CWF19L2: variants seen among roughly 807,000 people sequenced by gnomAD.
The protein encoded by CWF19L2 is CWF19-like protein 2.
A neutral mutation model predicts 111.7 loss-of-function variants in CWF19L2; 98 were observed. The observed-to-expected ratio is 0.88, with a 90% CI of 0.75 to 1.04. The LOEUF (loss-of-function observed/expected upper bound fraction) is 1.04. Ranked by LOEUF, CWF19L2 falls within the 50% of genes least tolerant of loss-of-function variation. CWF19L2 has a pLI of 0.00. For missense variants in CWF19L2, 1,101 were observed against 1,051.4 expected, an observed-to-expected ratio of 1.05 and a Z score of -0.65; for synonymous variants, 351 against 342.9, an observed-to-expected ratio of 1.02 and a Z score of -0.26.
At chr11:107,448,665 T>C (rs552398240) in intron 3 of CWF19L2, among the ~76,000 whole-genome samples, 1 of 152,218 alleles carries the variant, frequency 6.6e-6, no homozygotes, top group South Asian at 2.1e-4. Context: ...AGATCCTGAC[T>C]CCCAAGACAA....
chr11:107,350,290 A>G (rs1052090883), intron 13 of CWF19L2, among the ~76,000 whole-genome samples: 1 of 152,146 alleles, frequency 6.6e-6, no homozygotes, highest in African/African-American at 2.4e-5. Context: ...ATCCCTACCC[A>G]TAAGGAGCTT....
intron 12 of CWF19L2, among the ~76,000 whole-genome samples, chr11:107,386,622 C>T (rs1860770150): frequency 6.6e-6 from 1 of 152,122 alleles, no homozygotes; most frequent in South Asian, 2.1e-4. Flanking sequence ...CCTGAAACAC[C>T]ACACCCTTGG....
intron 4 of CWF19L2, 38 bp downstream of exon 4, chr11:107,442,901 G>GAAGGAAGA (rs1565287569): frequency 3.9e-6 from 5 of 1,289,814 alleles, no homozygotes; most frequent in South Asian, 2.5e-5. Context: ...AGGAAGGAAG[G>GAAGGAAGA]AAGAAAGCAA....
In CWF19L2 at chr11:107,392,906, A is replaced by G; in HGVS notation, c.1618-11T>C. 1 of 1,437,094 alleles carries G rather than the reference A, an allele frequency of 7.0e-7. No homozygotes were observed. Among genetic ancestry groups the G allele is most frequent in the Non-Finnish European group, 9.5e-7 (1 of 1,048,966 alleles). The allele number at this position is 1,437,094 out of a possible 1,614,324, so 89.0% of individuals were successfully genotyped here. On this transcript the variant is annotated splice_polypyrimidine_tract_variant and intron_variant, in intron 10 of 17. Transcript: ENST00000282251. ...TTGCTGGTCTTCATTCTATAAAAAGATTTAGAGATAACTATTGAAATTATT... is the reference window on the plus strand; with the variant it reads ...TTGCTGGTCTTCATTCTATAAAAAGGTTTAGAGATAACTATTGAAATTATT...
chr11:107,422,827 A>C (rs1459855781), intron 8 of CWF19L2, among the ~76,000 whole-genome samples: 1 of 151,946 alleles, frequency 6.6e-6, no homozygotes, highest in African/African-American at 2.4e-5. Context: ...TGGGAGGGGA[A>C]TCTTTTAACA....
At chr11:107,434,542 T>C (rs1293153143) in intron 6 of CWF19L2, among the ~76,000 whole-genome samples, 1 of 151,570 alleles carries the variant, frequency 6.6e-6, no homozygotes, top group Non-Finnish European at 1.5e-5. Context: ...CCAAGACATA[T>C]ACAAGAATAT....
chr11:107,441,525 T>A lies in CWF19L2; in HGVS notation c.548A>T (p.Glu183Val). 1 of 1,544,178 alleles carries A rather than the reference T, an allele frequency of 6.5e-7. No homozygotes were observed. The highest frequency in any genetic ancestry group is 8.7e-7 in the Non-Finnish European group (1 of 1,144,664). The part of the protein sequence containing the change: ...EKETMRKIEQ[E>V]KNQALEQSKL... The stretch of plus-strand genomic sequence containing the variant: ...TACCTGTTCAAGCGCTTGGTTTTTC[T>A]CTTGCTCTATTTTCCTCATAGTTTC... The change falls in exon 5 of 18, where the codon GAG (glutamate) becomes GTG (valine). Residue 183 changes from glutamate to valine, a missense_variant. By Grantham distance (121) the Glu-to-Val change is moderately radical. Coordinates refer to ENST00000282251, the MANE Select transcript of CWF19L2 (RefSeq NM_152434.3).
Position 107,404,114 on chromosome 11 carries a change from G to A in CWF19L2, c.1618-11219C>T, listed in dbSNP as rs1591185753. On this transcript the variant is annotated intron_variant, in intron 10 of 17. Transcript: ENST00000282251. ...GGTTCTCCTTTCTCCATGTGAGACTGTCTCTGTCGACTTTCTTCCTCTAAA... is the reference window on the plus strand; with the variant it reads ...GGTTCTCCTTTCTCCATGTGAGACTATCTCTGTCGACTTTCTTCCTCTAAA... 4.8e-5 allele frequency: 37 copies of A among 774,700 alleles called. 2 individuals are homozygous for A. In the East Asian group the frequency reaches 8.8e-4, roughly 18 times the overall value. The allele number at this position is 774,700 out of a possible 1,614,324, so 48.0% of individuals were successfully genotyped here. A position where few individuals can be genotyped will look rare whatever the true frequency, so the allele number is the denominator to read the frequency against.
In CWF19L2 at chr11:107,369,195, CTCTATAAAG is replaced by C. The variant is rs1450825022; in HGVS notation, c.1873-15468_1873-15460del. 3.6e-5 allele frequency among the ~76,000 whole-genome samples: 5 copies of C among 137,646 alleles called. 1 individual carries two copies. Among genetic ancestry groups the C allele is most frequent in the African/African-American group, 1.5e-4 (5 of 34,452 alleles). 90.3% of individuals were successfully genotyped at this position (137,646 alleles called of 152,430 possible). A position where few individuals can be genotyped will look rare whatever the true frequency, so the allele number is the denominator to read the frequency against. On this transcript the variant is annotated intron_variant, in intron 12 of 17. Coordinates refer to ENST00000282251, the MANE Select transcript of CWF19L2 (RefSeq NM_152434.3). ...CATTTTTTTCTTCATTATTTGTGCT[CTCTATAAAG>C]TCTGTTGTCAGTTCTTACTGCCATA...
chr11:107,375,695 C>T (rs1182524672), intron 12 of CWF19L2, among the ~76,000 whole-genome samples: 2 of 125,934 alleles, frequency 1.6e-5, no homozygotes, highest in African/African-American at 6.5e-5. Context: ...GACACCCTAA[C>T]ATCACAATTA....
At chr11:107,350,495 G>A (rs571270626) in intron 13 of CWF19L2, among the ~76,000 whole-genome samples, 43 of 151,994 alleles carry the variant, frequency 2.8e-4, no homozygotes, top group Non-Finnish European at 5.1e-4. Context: ...ACCATGTAAC[G>A]ACACACCAAT....
chr11:107,423,782 T>A (rs763738455), intron 8 of CWF19L2, among the ~76,000 whole-genome samples: 3 of 151,856 alleles, frequency 2.0e-5, no homozygotes, highest in Non-Finnish European at 4.4e-5. Context: ...CAAGCAACCT[T>A]AAGTCTGACA....
At chr11:107,346,682 T>C (rs1370171034) in intron 14 of CWF19L2, among the ~76,000 whole-genome samples, 1 of 152,114 alleles carries the variant, frequency 6.6e-6, no homozygotes, top group African/African-American at 2.4e-5. Flanking sequence ...GATTCTCCTC[T>C]GGAAAAGGTA....
chr11:107,347,822 G>A (rs78817688), intron 14 of CWF19L2, among the ~76,000 whole-genome samples: 6,085 of 152,130 alleles, frequency 0.04, 300 homozygotes, highest in East Asian at 0.21. Context: ...ATTTCTTATA[G>A]AAATATAAAA....
At chr11:107,349,893 G>A (rs1860133767) in intron 13 of CWF19L2, among the ~76,000 whole-genome samples, 1 of 152,076 alleles carries the variant, frequency 6.6e-6, no homozygotes, top group African/African-American at 2.4e-5. Flanking sequence ...TCATGGGTAT[G>A]TCTATAGACA....
chr11:107,349,883 T>A (rs900458809), intron 13 of CWF19L2, among the ~76,000 whole-genome samples: 6 of 152,032 alleles, frequency 3.9e-5, no homozygotes, highest in African/African-American at 1.4e-4. Context: ...AGATTAAGGG[T>A]CATGGGTATG....
At chr11:107,343,575 T>C (rs958818905) in intron 14 of CWF19L2, among the ~76,000 whole-genome samples, 2 of 152,074 alleles carry the variant, frequency 1.3e-5, no homozygotes, top group Non-Finnish European at 2.9e-5. Context: ...ATACTGTTTA[T>C]TGATATAGTA....
intron 12 of CWF19L2, among the ~76,000 whole-genome samples, chr11:107,358,202 A>C (rs1860267340): frequency 6.6e-6 from 1 of 152,202 alleles, no homozygotes; most frequent in Non-Finnish European, 1.5e-5. Flanking sequence ...CAAACATTTC[A>C]ATATAGATTA....
In CWF19L2 at chr11:107,426,376, C is replaced by A. The variant is rs555240284; in HGVS notation, c.1433+2423G>T. ...AAGTAGGAGAAAAGTCATTCCAATG[C>A]AATATAAAAGTCTAAATTGGTTAAT... On this transcript the variant is annotated intron_variant, in intron 8 of 17. Transcript: ENST00000282251. Among the ~76,000 whole-genome samples the A allele has an allele frequency of 5.3e-5, 8 of 151,922 alleles. No homozygotes were observed. The South Asian group carries it at 1.7e-3, about 32-fold the overall frequency.
Sources: allele counts gnomAD v4.1 joint callset (sites outside exome capture counted in the v4.1 genomes callset), GRCh38; gene constraint gnomAD v4.1.1; transcripts MANE v1.5; gene names NCBI Gene and HGNC (gene_info 2026-07-23, HGNC 2026-07-21).